TRPA1: variants seen among roughly 807,000 people sequenced by gnomAD.
TRPA1 encodes transient receptor potential cation channel subfamily A member 1.
TRPA1 carries 129 observed loss-of-function variants against 131.3 expected under a neutral mutation model. That is an observed-to-expected ratio of 0.98 (90% CI 0.85 to 1.14). The LOEUF (loss-of-function observed/expected upper bound fraction) is 1.14. Ranked by LOEUF, TRPA1 falls within the 50% of genes most tolerant of loss-of-function variation. The pLI is 0.00. For missense variants in TRPA1, 1,304 were observed against 1,354.2 expected (o/e 0.96, Z 0.58); for synonymous variants, 441 against 451.7 (o/e 0.98, Z 0.30).
chr8:72,053,007 A>AAGAGAG (rs57169742), intron 13 of TRPA1: 12,520 of 230,702 alleles, frequency 0.054, 316 homozygotes, highest in East Asian at 0.082. Flanking sequence ...GAGATAGAGA[A>AAGAGAG]AGAGAGAGAG....
At chr8:72,084,047 C>T in the TRPA1 span, among the ~76,000 whole-genome samples, 1 of 152,060 alleles carries the variant, frequency 6.6e-6, no homozygotes, top group Non-Finnish European at 1.5e-5. Context: ...TATAGATGAA[C>T]GTATCTGCTT....
chr8:72,049,469 C>T (rs1181127328), intron 15 of TRPA1, among the ~76,000 whole-genome samples: 1 of 152,126 alleles, frequency 6.6e-6, no homozygotes, highest in Non-Finnish European at 1.5e-5. Flanking sequence ...TATCTTACTG[C>T]CTCCTCCAGC....
intron 4 of TRPA1, among the ~76,000 whole-genome samples, chr8:72,064,527 T>C (rs901202424): frequency 2.6e-5 from 4 of 152,082 alleles, no homozygotes; most frequent in Non-Finnish European, 4.4e-5. Context: ...TTAACTTATT[T>C]TTATTCTCTT....
chr8:72,061,548 T>G, intron 7 of TRPA1, 77 bp downstream of exon 7: 2 of 1,559,032 alleles, frequency 1.3e-6, no homozygotes, highest in Non-Finnish European at 1.8e-6. Context: ...GCATTAGTGC[T>G]AACTGCTCCT....
intron 17 of TRPA1, among the ~76,000 whole-genome samples, chr8:72,045,711 A>G (rs2129434525): frequency 6.6e-6 from 1 of 151,844 alleles, no homozygotes; most frequent in South Asian, 2.1e-4. Flanking sequence ...TGAAGCTAGT[A>G]GCCACTGTCC....
At chr8:72,080,638 T>C in the TRPA1 span, among the ~76,000 whole-genome samples, 1 of 149,682 alleles carries the variant, frequency 6.7e-6, no homozygotes, top group Admixed American at 6.6e-5. Context: ...GTTTGTATAA[T>C]ATTGGTATTA....
chr8:72,058,580 A>T (rs921476293), intron 8 of TRPA1, among the ~76,000 whole-genome samples: 1 of 152,184 alleles, frequency 6.6e-6, no homozygotes, highest in Non-Finnish European at 1.5e-5. Context: ...GGCAAGCTCC[A>T]CGGTCAGTGA....
intron 16 of TRPA1, 23 bp from the exon 17 acceptor site, chr8:72,046,631 T>TA (rs776483845): frequency 2.4e-5 from 31 of 1,298,108 alleles, no homozygotes; most frequent in Admixed American, 3.5e-5. Context: ...GAATTTTTTT[T>TA]AAAAAAATGT....
In TRPA1 at chr8:72,065,650, G is replaced by A. The variant is rs558386078; in HGVS notation, c.445-92C>T. The A allele has an allele frequency of 8.0e-6, 7 of 876,008 alleles. No individual in the cohort carries two copies. In the East Asian group the frequency reaches 1.9e-4, roughly 24 times the overall value. 54.3% of individuals were successfully genotyped at this position (876,008 alleles called of 1,614,324 possible). The stretch of plus-strand genomic sequence containing the variant: ...TAGAGTTTAAGTTTTCAAATACCAG[G>A]GACCATGTCTGTTTATCTTTTATTC... On this transcript the variant is annotated intron_variant, in intron 3 of 26. Coordinates refer to ENST00000262209, the MANE Select transcript of TRPA1 (RefSeq NM_007332.3).
At chr8:72,067,316 G>A (rs1805955730) in intron 3 of TRPA1, among the ~76,000 whole-genome samples, 1 of 152,154 alleles carries the variant, frequency 6.6e-6, no homozygotes, top group Admixed American at 6.5e-5. Context: ...TTCTATTCCT[G>A]TCATCTCTGG....
chr8:72,071,758 C>T lies in TRPA1; in HGVS notation c.221G>A (p.Gly74Asp). 1.2e-6 allele frequency: 2 copies of T among 1,613,746 alleles called. No individual in the cohort carries two copies. Among genetic ancestry groups the T allele is most frequent in the African/African-American group, 1.3e-5 (1 of 75,032 alleles). ...TFFLHYAAAE[G>D]QIELMEKITR... ...GATCTTCTCCATTAGCTCAATTTGGCCTTCTGCTGCAGCATAATGCAAGAA... is the reference window on the plus strand; with the variant it reads ...GATCTTCTCCATTAGCTCAATTTGGTCTTCTGCTGCAGCATAATGCAAGAA... The change falls in exon 2 of 27, where the codon GGC becomes GAC. Residue 74 changes from glycine to aspartate, a missense_variant. By Grantham distance (94) the Gly-to-Asp change is moderately conservative. Transcript: ENST00000262209.
chr8:72,059,088 G>T (rs1028434284), intron 8 of TRPA1, among the ~76,000 whole-genome samples: 4 of 152,182 alleles, frequency 2.6e-5, no homozygotes, highest in African/African-American at 9.7e-5. Flanking sequence ...ACTCCCGGAA[G>T]ACCCTCTTAC....
intron 16 of TRPA1, among the ~76,000 whole-genome samples, chr8:72,046,827 G>T (rs1805339217): frequency 6.6e-6 from 1 of 151,920 alleles, no homozygotes; most frequent in Non-Finnish European, 1.5e-5. Flanking sequence ...CAATTGCTTT[G>T]TATCTCATAG....
At chr8:72,050,530 T>C (rs1190153936) in intron 15 of TRPA1, among the ~76,000 whole-genome samples, 2 of 152,182 alleles carry the variant, frequency 1.3e-5, no homozygotes, top group Non-Finnish European at 2.9e-5. Flanking sequence ...CAGTTTGTAG[T>C]CTCTGTTACA....
intron 3 of TRPA1, among the ~76,000 whole-genome samples, chr8:72,066,123 A>T (rs918081984): frequency 1.3e-5 from 2 of 152,176 alleles, no homozygotes; most frequent in Admixed American, 1.3e-4. Flanking sequence ...TAACCCAATT[A>T]ATTCAAACTT....
At chr8:72,063,594 A>T (rs1269389897) in intron 4 of TRPA1, 23 bp from the exon 5 acceptor site, 5 of 1,557,228 alleles carry the variant, frequency 3.2e-6, no homozygotes, top group Middle Eastern at 1.7e-4. Flanking sequence ...ACAAAATGAA[A>T]AATGACACCA....
In TRPA1 at chr8:72,057,722, G is replaced by A. The variant is rs761121092; in HGVS notation, c.1088C>T (p.Ser363Phe). 1 of 1,612,820 alleles carries A rather than the reference G, an allele frequency of 6.2e-7. No homozygotes were observed. Among genetic ancestry groups the A allele is most frequent in the South Asian group, 1.1e-5 (1 of 91,036 alleles). Reference protein sequence around the residue: ...ASWNIVNLLLSKGAQVDIKDN... With the variant: ...ASWNIVNLLLFKGAQVDIKDN... ...GGCTTGTTCCCTCTTGGTACCTTTA[G>A]AGAGTAGCAAATTTACAATATTCCA... is the stretch of plus-strand genomic sequence containing the variant. Residue 363 changes from serine (S) to phenylalanine (F), a missense_variant, in exon 9 of 27, where the codon TCT (serine) becomes TTT (phenylalanine). Physicochemically the swap from Ser to Phe is radical, Grantham distance 155. Coordinates refer to ENST00000262209, the MANE Select transcript of TRPA1 (RefSeq NM_007332.3).
chr8:72,078,455 A>G (rs1253148006), upstream of TRPA1, among the ~76,000 whole-genome samples: 1 of 152,136 alleles, frequency 6.6e-6, no homozygotes, highest in Non-Finnish European at 1.5e-5. Context: ...CACACTTTCT[A>G]TCTCTATAGT....
intron 24 of TRPA1, among the ~76,000 whole-genome samples, chr8:72,027,639 C>T (rs1811654740): frequency 6.6e-6 from 1 of 152,180 alleles, no homozygotes; most frequent in African/African-American, 2.4e-5. Context: ...GGCCTGTCTC[C>T]ACTTCCCTTC....
Sources: gnomAD v4.1 joint callset for allele counts (sites outside exome capture counted in the v4.1 genomes callset) on GRCh38, gnomAD v4.1.1 for gene constraint, MANE v1.5 for transcripts, NCBI Gene and HGNC (gene_info 2026-07-23, HGNC 2026-07-21) for gene names.